ANO10: variants seen among roughly 807,000 people sequenced by gnomAD.
ANO10 encodes anoctamin 10, also known as anoctamin-10.
In ANO10, 77 loss-of-function variants were observed where a neutral mutation model predicts 74.7. That is an observed-to-expected ratio of 1.03 (90% CI 0.86 to 1.25). The LOEUF (loss-of-function observed/expected upper bound fraction) is 1.25. ANO10 is among the 50% of genes most tolerant of loss of function. ANO10 has a pLI of 0.00. For synonymous variants in ANO10, 279 were observed against 284.9 expected, an observed-to-expected ratio of 0.98 and a Z score of 0.21; for missense variants, 721 against 778.1, an observed-to-expected ratio of 0.93 and a Z score of 0.87.
intron 11 of ANO10, among the ~76,000 whole-genome samples, chr3:43,499,327 A>G (rs1017361606): frequency 6.6e-6 from 1 of 152,172 alleles, no homozygotes; most frequent in Non-Finnish European, 1.5e-5. Context: ...TGTACAGTCA[A>G]GTGTATAGTT....
At chr3:43,555,710 T>C (rs547861184) in intron 9 of ANO10, among the ~76,000 whole-genome samples, 4 of 152,298 alleles carry the variant, frequency 2.6e-5, no homozygotes, top group South Asian at 2.1e-4. Flanking sequence ...ATCATAAGCA[T>C]TAATATTTTC....
intron 1 of ANO10, among the ~76,000 whole-genome samples, chr3:43,666,163 C>A (rs1406053318): frequency 1.3e-5 from 2 of 152,018 alleles, no homozygotes; most frequent in Non-Finnish European, 2.9e-5. Context: ...GAAATAAAAC[C>A]TATATTTCAA....
intron 11 of ANO10, among the ~76,000 whole-genome samples, chr3:43,534,978 C>CT (rs576349934): frequency 0.025 from 3,546 of 144,054 alleles, 52 homozygotes; most frequent in Non-Finnish European, 0.032. Context: ...AGATTTTTTT[C>CT]TTTTTTTTTT....
intron 1 of ANO10, among the ~76,000 whole-genome samples, chr3:43,620,547 G>A (rs963986497): frequency 5.3e-5 from 8 of 152,188 alleles, no homozygotes; most frequent in Non-Finnish European, 1.2e-4. Context: ...GGAGGCCGAG[G>A]TGGGAGGATT....
intron 5 of ANO10, among the ~76,000 whole-genome samples, chr3:43,580,102 C>T (rs1477066859): frequency 1.3e-5 from 2 of 150,282 alleles, no homozygotes; most frequent in African/African-American, 4.9e-5. Flanking sequence ...CTGTGATCAT[C>T]CCACTGCACT....
intron 4 of ANO10, among the ~76,000 whole-genome samples, chr3:43,591,507 C>T (rs994896248): frequency 1.7e-4 from 26 of 152,208 alleles, no homozygotes; most frequent in African/African-American, 6.3e-4. Flanking sequence ...GACTTGCCCC[C>T]ACCTTGGGAG....
At chr3:43,465,496 A>C (rs561761712) in intron 11 of ANO10, among the ~76,000 whole-genome samples, 11 of 152,310 alleles carry the variant, frequency 7.2e-5, no homozygotes, top group Admixed American at 6.5e-4. Flanking sequence ...TCTACTAAAA[A>C]TACAAAAATT....
intron 12 of ANO10, among the ~76,000 whole-genome samples, chr3:43,420,315 G>A (rs1036439707): frequency 1.7e-4 from 26 of 151,720 alleles, no homozygotes; most frequent in African/African-American, 4.8e-4. Flanking sequence ...TCATGGTGGC[G>A]CACACCTGTA....
At chr3:43,526,861 TTC>T (rs944577403) in intron 11 of ANO10, among the ~76,000 whole-genome samples, 10 of 120,074 alleles carry the variant, frequency 8.3e-5, no homozygotes, top group African/African-American at 2.7e-4. Context: ...GTCCCTTAAG[TTC>T]TCTTAGGGTC....
intron 4 of ANO10, among the ~76,000 whole-genome samples, chr3:43,597,839 GC>G (rs2082163897): frequency 1.3e-5 from 2 of 151,914 alleles, no homozygotes; most frequent in Non-Finnish European, 2.9e-5. Flanking sequence ...GATTATTTGA[GC>G]CCAGGAGATG....
intron 11 of ANO10, among the ~76,000 whole-genome samples, chr3:43,534,046 A>C (rs1426383700): frequency 6.6e-6 from 1 of 152,306 alleles, no homozygotes; most frequent in African/African-American, 2.4e-5. Flanking sequence ...GCCTCCACAG[A>C]AGGGAATTTG....
At chr3:43,482,079 C>T (rs1413522365) in intron 11 of ANO10, among the ~76,000 whole-genome samples, 3 of 151,864 alleles carry the variant, frequency 2.0e-5, no homozygotes, top group African/African-American at 4.8e-5. Flanking sequence ...CAGGTGCGTG[C>T]CACCACCCCC....
intron 11 of ANO10, among the ~76,000 whole-genome samples, chr3:43,504,875 C>T (rs956580280): frequency 9.2e-5 from 14 of 152,068 alleles, no homozygotes; most frequent in African/African-American, 3.4e-4. Context: ...CTCCTGACCT[C>T]GTAATCCTCC....
intron 11 of ANO10, among the ~76,000 whole-genome samples, chr3:43,524,132 G>C (rs980773179): frequency 6.6e-6 from 1 of 152,136 alleles, no homozygotes; most frequent in Admixed American, 6.6e-5. Flanking sequence ...AAGAGGATTG[G>C]GAAGGAACCT....
chr3:43,549,646 C>T (rs779759796), intron 11 of ANO10, 74 bp downstream of exon 11: 884 of 1,556,738 alleles, frequency 5.7e-4, no homozygotes, highest in Non-Finnish European at 7.2e-4. Flanking sequence ...CATGGACAGC[C>T]CGAGACAGCA....
chr3:43,367,022 G>C, intron 12 of ANO10, 48 bp from the exon 13 acceptor site: 3 of 1,539,150 alleles, frequency 1.9e-6, no homozygotes, highest in Non-Finnish European at 1.8e-6. Flanking sequence ...AGCCTAAGTA[G>C]TGGCCGAGGC....
chr3:43,561,712 C>G (rs933898209), intron 8 of ANO10, among the ~76,000 whole-genome samples: 1 of 152,028 alleles, frequency 6.6e-6, no homozygotes, highest in Non-Finnish European at 1.5e-5. Context: ...AGTCCCAACA[C>G]AAGGAAATAA....
At chr3:43,570,635 A>C (rs1325485136) in intron 7 of ANO10, among the ~76,000 whole-genome samples, 3 of 151,240 alleles carry the variant, frequency 2.0e-5, no homozygotes, top group South Asian at 2.1e-4. Flanking sequence ...AGCCATATGT[A>C]GAAAGCTGAA....
intron 1 of ANO10, chr3:43,690,374 C>T (rs1237883434): frequency 6.6e-6 from 1 of 152,358 alleles, no homozygotes; most frequent in Non-Finnish European, 1.5e-5. Context: ...TCTTTTCACC[C>T]TCCCAGGTAT....
Sources: gnomAD v4.1 joint callset for allele counts (sites outside exome capture counted in the v4.1 genomes callset) on GRCh38, gnomAD v4.1.1 for gene constraint, MANE v1.5 for transcripts, NCBI Gene and HGNC (gene_info 2026-07-23, HGNC 2026-07-21) for gene names.